Variants in RGPD3 observed in about 807,000 individuals in gnomAD.
RGPD3 encodes the protein RANBP2 like and GRIP domain containing 3, also known as ranBP2-like and GRIP domain-containing protein 3.
In RGPD3, 62 loss-of-function variants were observed where a neutral mutation model predicts 154.5. That is an observed-to-expected ratio of 0.40 (90% CI 0.33 to 0.50). The LOEUF is 0.50. Ranked by LOEUF, RGPD3 falls within the 20% of genes least tolerant of loss-of-function variation. The pLI, the probability that RGPD3 is intolerant of heterozygous loss-of-function variation, is 0.59. For synonymous variants in RGPD3, 308 were observed against 607.0 expected (o/e 0.51, Z 7.24); for missense variants, 919 against 1,716.8 (o/e 0.54, Z 8.21).
intron 7 of RGPD3, among the ~76,000 whole-genome samples, chr2:106,441,816 A>G (rs1428105989): frequency 1.5e-5 from 2 of 136,406 alleles, no homozygotes; most frequent in Non-Finnish European, 3.0e-5. Context: ...GTGCGCCGAG[A>G]CTGTGCCATT....
chr2:106,442,246 G>C (rs1677771165), intron 7 of RGPD3, among the ~76,000 whole-genome samples: 1 of 101,274 alleles, frequency 9.9e-6, no homozygotes, highest in Non-Finnish European at 2.0e-5. Context: ...TCTACTAAAA[G>C]CACATTCATG....
At chr2:106,467,439 G>A (rs867485883) in intron 1 of RGPD3, among the ~76,000 whole-genome samples, 1,686 of 12,506 alleles carry the variant, frequency 0.13, no homozygotes, top group Admixed American at 0.17. Flanking sequence ...CCGCCGGGCC[G>A]GGTCGAGGCC....
Position 106,405,554 on chromosome 2 carries a change from T to C in RGPD3, c.5267-325A>G, listed in dbSNP as rs1676490859. 2.0e-5 allele frequency among the ~76,000 whole-genome samples: 3 copies of C among 151,684 alleles called. No individual in the cohort carries two copies. The South Asian group carries it at 6.2e-4, about 31-fold the overall frequency. Reference sequence around the variant, plus strand: ...ACCATGCCTGGGTAATTTTTTGTTTTTTGGTAGAGATGCAGGTCTCACTGT... The same window carrying C: ...ACCATGCCTGGGTAATTTTTTGTTTCTTGGTAGAGATGCAGGTCTCACTGT... On this transcript the variant is annotated intron_variant, in intron 22 of 22. Coordinates refer to ENST00000409886, the MANE Select transcript of RGPD3 (RefSeq NM_001144013.2).
In RGPD3 at chr2:106,463,797, G is replaced by A. The variant is rs561977222; in HGVS notation, c.72+4420C>T. ...ATGTGACCAGTTTGACCACATTTGA[G>A]GGTTTAAGTTGCTGAGTTTAAGTAA... On this transcript the variant is annotated intron_variant, in intron 1 of 22. Transcript: ENST00000409886. 3.7e-3 allele frequency among the ~76,000 whole-genome samples: 561 copies of A among 152,206 alleles called. 3 individuals carry two copies. Among genetic ancestry groups the A allele is most frequent in the African/African-American group, 0.013 (531 of 41,532 alleles).
At chr2:106,450,680 TG>T (rs1462431468) in intron 6 of RGPD3, among the ~76,000 whole-genome samples, 106 of 76,960 alleles carry the variant, frequency 1.4e-3, no homozygotes, top group African/African-American at 5.6e-3. Context: ...TACTCCAGGC[TG>T]GGTGACAGAG....
intron 18 of RGPD3, among the ~76,000 whole-genome samples, chr2:106,427,399 T>G (rs984424225): frequency 6.6e-6 from 1 of 151,072 alleles, no homozygotes; most frequent in Non-Finnish European, 1.5e-5. Context: ...TTAACATTCA[T>G]GTTGATATAC....
Position 106,425,143 on chromosome 2 carries a change from C to G in RGPD3, c.2824G>C (p.Glu942Gln), listed in dbSNP as rs571479726. 6 of 1,611,866 alleles carry G rather than the reference C, an allele frequency of 3.7e-6. No individual in the cohort carries two copies. The African/African-American group carries it at 8.0e-5, about 22-fold the overall frequency. Residue 942 changes from glutamate to glutamine, a missense_variant, in exon 20 of 23, where the codon GAA (glutamate) becomes CAA (glutamine). By Grantham distance (29) the Glu-to-Gln change is conservative. Transcript: ENST00000409886. ...TGAGCCTGTAAGCCAGTATCATTTT[C>G]AAGAGGCTTTTCACTTTTCTTTTCT... ...NQEKKSEKPL[E>Q]NDTGLQAQDI...
chr2:106,450,956 G>T (rs906878202), intron 6 of RGPD3, among the ~76,000 whole-genome samples: 3 of 148,096 alleles, frequency 2.0e-5, no homozygotes, highest in Non-Finnish European at 3.0e-5. Context: ...GGGCGTAGTG[G>T]TGTGCGCCTG....
chr2:106,437,383 G>A (rs1404502255), intron 9 of RGPD3, among the ~76,000 whole-genome samples: 11 of 143,766 alleles, frequency 7.7e-5, no homozygotes, highest in South Asian at 4.8e-4. Context: ...ACGGTGTCAC[G>A]TGCCTATAGT....
intron 15 of RGPD3, 101 bp downstream of exon 15, chr2:106,434,127 T>G (rs557481458): frequency 6.3e-7 from 1 of 1,593,906 alleles, no homozygotes; most frequent in African/African-American, 1.3e-5. Context: ...TAACAACATA[T>G]TACTGAGTAT....
rs114550867 is a variant in RGPD3 at position 106,413,237 on chromosome 2, C to A, written c.5113G>T (p.Val1705Leu). The change falls in exon 22 of 23, where the codon GTG (valine) becomes TTG (leucine). Residue 1705 changes from valine (V) to leucine (L), a missense_variant. Physicochemically the swap from Val to Leu is conservative, Grantham distance 32. Coordinates refer to ENST00000409886, the MANE Select transcript of RGPD3 (RefSeq NM_001144013.2). ...RRLERNQEQE[V>L]SAANVEHLKN... is the part of the protein sequence containing the mutation. ...AAGTGTTCCACGTTAGCTGCAGACACCTCTTGCTCTTGATTCCTTTCCAAT... is the reference window on the plus strand; with the variant it reads ...AAGTGTTCCACGTTAGCTGCAGACAACTCTTGCTCTTGATTCCTTTCCAAT... The A allele has an allele frequency of 1.6e-5, 26 of 1,611,972 alleles. No homozygotes were observed. The South Asian group carries it at 1.6e-4, about 10-fold the overall frequency.
intron 22 of RGPD3, 27 bp from the exon 23 acceptor site, chr2:106,405,256 A>G: frequency 6.2e-7 from 1 of 1,605,082 alleles, no homozygotes; most frequent in African/African-American, 1.3e-5. Flanking sequence ...AAAAAAAAAG[A>G]AAAAAGAGAG....
At chr2:106,415,045 G>C (rs1468980180) in intron 21 of RGPD3, among the ~76,000 whole-genome samples, 1 of 151,918 alleles carries the variant, frequency 6.6e-6, no homozygotes, top group Non-Finnish European at 1.5e-5. Context: ...ATATTCTGAG[G>C]GGTGATTTAT....
At chr2:106,469,967 C>G (rs978897069), upstream of RGPD3, among the ~76,000 whole-genome samples, 21 of 152,202 alleles carry the variant, frequency 1.4e-4, no homozygotes, top group African/African-American at 3.6e-4. Flanking sequence ...CATCCTTTCT[C>G]CCTTTAAGAG....
At chr2:106,413,943 G>A (rs1676746025) in intron 21 of RGPD3, among the ~76,000 whole-genome samples, 1 of 152,164 alleles carries the variant, frequency 6.6e-6, no homozygotes, top group African/African-American at 2.4e-5. Context: ...AAGCCAGTAT[G>A]GCATGGGGCT....
chr2:106,414,669 G>A (rs1676769446), intron 21 of RGPD3, among the ~76,000 whole-genome samples: 1 of 150,978 alleles, frequency 6.6e-6, no homozygotes, highest in African/African-American at 2.4e-5. Context: ...TAGGTTTACT[G>A]GGCTAGTTAG....
chr2:106,434,390 T>A lies in RGPD3; in HGVS notation c.2059-16A>T. ...TGTGAAAAATCTATACAAATAGTGC[T>A]TTTATGAAATCATTAGCTTTTTAAA... is the stretch of plus-strand genomic sequence containing the variant. On this transcript the variant is annotated splice_polypyrimidine_tract_variant and intron_variant, in intron 14 of 22. Coordinates refer to ENST00000409886, the MANE Select transcript of RGPD3 (RefSeq NM_001144013.2). 1 of 1,611,394 alleles carries A rather than the reference T, an allele frequency of 6.2e-7. No homozygotes were observed.
intron 22 of RGPD3, among the ~76,000 whole-genome samples, chr2:106,409,989 C>A (rs557133328): frequency 1.9e-3 from 291 of 150,544 alleles, no homozygotes; most frequent in Middle Eastern, 6.8e-3. Flanking sequence ...AGTTCTCCTA[C>A]CTCAGCCTCC....
chr2:106,412,321 T>TTTTTTG (rs1676699678), intron 22 of RGPD3, among the ~76,000 whole-genome samples: 2 of 100,024 alleles, frequency 2.0e-5, no homozygotes, highest in Non-Finnish European at 4.1e-5. Context: ...TTTTTTTTTT[T>TTTTTTG]TTTTTTTTTT....
Sources: gnomAD v4.1 joint callset for allele counts (sites outside exome capture counted in the v4.1 genomes callset) on GRCh38, gnomAD v4.1.1 for gene constraint, MANE v1.5 for transcripts, NCBI Gene and HGNC (gene_info 2026-07-23, HGNC 2026-07-21) for gene names.